Variants in AKAP9 observed in about 807,000 individuals in gnomAD.
AKAP9 encodes A-kinase anchor protein 9.
A neutral mutation model predicts 488.5 loss-of-function variants in AKAP9; 311 were observed. The ratio of observed to expected loss-of-function variants is 0.64; its 90% CI spans 0.58 to 0.70. The LOEUF (loss-of-function observed/expected upper bound fraction) is 0.70. AKAP9 is among the 30% of genes least tolerant of loss of function. The pLI is 0.00. For missense variants in AKAP9, 4,215 were observed against 4,374.5 expected, an observed-to-expected ratio of 0.96 and a Z score of 1.03; for synonymous variants, 1,462 against 1,483.5, an observed-to-expected ratio of 0.99 and a Z score of 0.33.
In AKAP9 at chr7:91,973,769, A is replaced by AG; in HGVS notation, c.108dup (p.Lys37GlufsTer10). ...GATGGGCAGAGTCCTTCCAAGAAGC[A>AG]GAAAAAAAAGAGAAAAACGTCAAGC... On this transcript the variant is annotated frameshift_variant, in exon 2 of 50. Coordinates refer to ENST00000356239, the MANE Select transcript of AKAP9 (RefSeq NM_005751.5). LOFTEE classifies it high-confidence loss of function. 2 of 1,614,096 alleles carry AG rather than the reference A, an allele frequency of 1.2e-6. No individual in the cohort carries two copies. The highest frequency in any genetic ancestry group is 8.5e-7 in the Non-Finnish European group (1 of 1,180,004).
At position 92,096,575 on chromosome 7, in the gene AKAP9, G is replaced by C. The variant is rs990473000; in HGVS notation, c.9730-114G>C. ...TGGGCTTGAACTCTTGACCTCAGGT[G>C]ATCTGCCCGCCTCGGCCTCCCAAAG... On this transcript the variant is annotated intron_variant, in intron 40 of 49. Transcript: ENST00000356239. 51 of 1,178,594 alleles carry C rather than the reference G, an allele frequency of 4.3e-5. No homozygotes were observed. In the African/African-American group the frequency reaches 7.4e-4, roughly 17 times the overall value. The allele number at this position is 1,178,594 out of a possible 1,614,324, so 73.0% of individuals were successfully genotyped here. A position where few individuals can be genotyped will look rare whatever the true frequency, so the allele number is the denominator to read the frequency against.
At chr7:92,033,442 CTTTTTTTTTT>C (rs35497475) in intron 16 of AKAP9, among the ~76,000 whole-genome samples, 1 of 107,374 alleles carries the variant, frequency 9.3e-6, no homozygotes, top group Non-Finnish European at 1.9e-5. Flanking sequence ...CTTTTCTTTT[CTTTTTTTTTT>C]TTTTTTTTTT....
chr7:91,989,016 A>G (rs1360845582), intron 3 of AKAP9, among the ~76,000 whole-genome samples: 1 of 152,200 alleles, frequency 6.6e-6, no homozygotes, highest in Non-Finnish European at 1.5e-5. Flanking sequence ...AAGCTTGAGA[A>G]TGTTTAATAT....
chr7:92,109,566 A>G (rs1819040788), intron 49 of AKAP9, among the ~76,000 whole-genome samples: 1 of 152,218 alleles, frequency 6.6e-6, no homozygotes, highest in Non-Finnish European at 1.5e-5. Context: ...AAAACTCTAA[A>G]TATTAGTCTC....
intron 2 of AKAP9, among the ~76,000 whole-genome samples, chr7:91,978,044 C>G (rs1296588928): frequency 1.3e-5 from 2 of 152,000 alleles, no homozygotes; most frequent in African/African-American, 4.8e-5. Flanking sequence ...GAGTTCAAGA[C>G]CAGCCTGGGC....
intron 26 of AKAP9, among the ~76,000 whole-genome samples, chr7:92,068,905 T>C (rs1811227557): frequency 6.6e-6 from 1 of 152,212 alleles, no homozygotes; most frequent in Non-Finnish European, 1.5e-5. Context: ...CTTTATTTCT[T>C]ACCATCACAT....
rs541475788 is a variant in AKAP9, at chr7:92,008,317, A to T, written c.3319-4112A>T. 2.6e-5 allele frequency among the ~76,000 whole-genome samples: 4 copies of T among 152,196 alleles called. No individual in the cohort carries two copies. The South Asian group carries it at 8.3e-4, about 32-fold the overall frequency. On this transcript the variant is annotated intron_variant, in intron 8 of 49. Transcript: ENST00000356239. Reference sequence around the variant, plus strand: ...GGGAGGCAGAGGTTGCAGTGAGCCGAGATCGCGCCACTGCACTCCAGCCTA... The same window carrying T: ...GGGAGGCAGAGGTTGCAGTGAGCCGTGATCGCGCCACTGCACTCCAGCCTA...
intron 8 of AKAP9, among the ~76,000 whole-genome samples, chr7:92,005,031 C>T (rs1282950742): frequency 6.6e-6 from 1 of 152,140 alleles, no homozygotes; most frequent in African/African-American, 2.4e-5. Context: ...GCATGAAGTG[C>T]TGTTGAATTT....
chr7:91,981,632 T>A (rs1382580857), intron 3 of AKAP9, among the ~76,000 whole-genome samples: 4 of 142,578 alleles, frequency 2.8e-5, no homozygotes, highest in Non-Finnish European at 6.0e-5. Flanking sequence ...TTCACCAAGA[T>A]GGAGTCTCAC....
chr7:91,992,221 T>C lies in AKAP9; in HGVS notation c.405+10T>C. The C allele has an allele frequency of 6.3e-7, 1 of 1,585,582 alleles. No homozygotes were observed. Among genetic ancestry groups the C allele is most frequent in the Non-Finnish European group, 8.7e-7 (1 of 1,154,148 alleles). ...TACAAATTTATTAAGGGTACAGTAT[T>C]TAAAACTACTTGTGATACTAATGTT... On this transcript the variant is annotated intron_variant, in intron 4 of 49. Transcript: ENST00000356239.
At chr7:91,944,202 GAAAA>G (rs976646783) in intron 1 of AKAP9, among the ~76,000 whole-genome samples, 3 of 151,434 alleles carry the variant, frequency 2.0e-5, no homozygotes, top group Non-Finnish European at 2.9e-5. Flanking sequence ...AGGTTAAAAA[GAAAA>G]AAGTTACCAG....
intron 18 of AKAP9, 68 bp downstream of exon 18, chr7:92,040,966 T>G: frequency 7.8e-7 from 1 of 1,284,368 alleles, no homozygotes; most frequent in Non-Finnish European, 1.1e-6. Flanking sequence ...TTGAACCAGA[T>G]CCCCAATTAA....
chr7:92,016,090 A>G, intron 10 of AKAP9, 39 bp from the exon 11 acceptor site: 2 of 1,552,496 alleles, frequency 1.3e-6, no homozygotes, highest in East Asian at 2.3e-5. Flanking sequence ...AGAAATCAAA[A>G]TTTAAATTCC....
intron 1 of AKAP9, among the ~76,000 whole-genome samples, chr7:91,969,133 T>G (rs1175603114): frequency 6.6e-6 from 1 of 152,084 alleles, no homozygotes; most frequent in Non-Finnish European, 1.5e-5. Flanking sequence ...CAAGCATTCA[T>G]CCCACCTCAG....
In AKAP9 at chr7:91,996,317, T is replaced by C. The variant is rs182275582; in HGVS notation, c.930+517T>C. Reference sequence around the variant, plus strand: ...TGCGTATATTTTACATATATGTGTATCACATTGATTATAATCTTAAATCAT... The same window carrying C: ...TGCGTATATTTTACATATATGTGTACCACATTGATTATAATCTTAAATCAT... On this transcript the variant is annotated intron_variant, in intron 7 of 49. Transcript: ENST00000356239. Among the ~76,000 whole-genome samples, 368 of 152,318 alleles carry C rather than the reference T, an allele frequency of 2.4e-3. 2 individuals are homozygous for C. The highest frequency in any genetic ancestry group is 8.3e-3 in the African/African-American group (345 of 41,572).
In AKAP9 at chr7:92,040,887, C is replaced by A. The variant is rs756038903; in HGVS notation, c.4906C>A (p.Gln1636Lys). The change falls in exon 18 of 50, where the codon CAA (glutamine) becomes AAA (lysine). Residue 1636 changes from glutamine (Q) to lysine (K), a missense_variant. By Grantham distance (53) the Gln-to-Lys change is moderately conservative. This residue lies in a region of AKAP9 where 2,361 missense variants were observed against 2,430.0 expected (regional missense o/e 0.97). Coordinates refer to ENST00000356239, the MANE Select transcript of AKAP9 (RefSeq NM_005751.5). Reference protein sequence around the residue: ...LQEEIKRLNRQLAQRSSIDNE... With the variant: ...LQEEIKRLNRKLAQRSSIDNE... ...AGAAGAGATTAAGAGACTTAATAGA[C>A]AATTAGCCCAGGTAAGGGTCTTGTA... is the stretch of plus-strand genomic sequence containing the variant. 2.5e-6 allele frequency: 4 copies of A among 1,611,468 alleles called. No individual in the cohort carries two copies. In the East Asian group the frequency reaches 8.9e-5, roughly 36 times the overall value.
At chr7:92,051,236 C>T (rs1400555106) in intron 21 of AKAP9, among the ~76,000 whole-genome samples, 2 of 152,136 alleles carry the variant, frequency 1.3e-5, no homozygotes, top group Non-Finnish European at 2.9e-5. Context: ...GAGTTCCCAT[C>T]GTATCACACT....
intron 2 of AKAP9, among the ~76,000 whole-genome samples, chr7:91,977,160 TA>T (rs1795803674): frequency 6.6e-6 from 1 of 152,094 alleles, no homozygotes; most frequent in Admixed American, 6.5e-5. Flanking sequence ...CTCCAGAGGC[TA>T]AGGTGGGAGA....
At chr7:91,987,015 T>C (rs1156429166) in intron 3 of AKAP9, among the ~76,000 whole-genome samples, 1 of 152,154 alleles carries the variant, frequency 6.6e-6, no homozygotes, top group East Asian at 1.9e-4. Flanking sequence ...CAGTATGACA[T>C]ATCTTGTGAT....
Sources: allele counts gnomAD v4.1 joint callset (sites outside exome capture counted in the v4.1 genomes callset), GRCh38; gene constraint gnomAD v4.1.1; regional missense constraint gnomAD v4.1.1; transcripts MANE v1.5; gene names NCBI Gene and HGNC (gene_info 2026-07-23, HGNC 2026-07-21).